The following DDAH1 variants were observed in gnomAD, a reference collection of about 807,000 sequenced individuals.
DDAH1 encodes dimethylarginine dimethylaminohydrolase 1, also known as N(G),N(G)-dimethylarginine dimethylaminohydrolase 1.
In DDAH1, 19 loss-of-function variants were observed where a neutral mutation model predicts 28.8. That is an observed-to-expected ratio of 0.66 (90% CI 0.46 to 0.97). The LOEUF (loss-of-function observed/expected upper bound fraction) is 0.97, where lower values mean the gene tolerates loss of function less well. Among genes scored for constraint, DDAH1 ranks in the 50% least tolerant of loss-of-function variants. The pLI, the probability that DDAH1 is intolerant of heterozygous loss-of-function variation, is 0.00. For missense variants in DDAH1, 326 were observed against 375.9 expected, an observed-to-expected ratio of 0.87 and a Z score of 1.10; for synonymous variants, 153 against 154.4, an observed-to-expected ratio of 0.99 and a Z score of 0.07.
chr1:85,439,247 TA>T (rs1316817920), intron 1 of DDAH1, among the ~76,000 whole-genome samples: 3 of 152,244 alleles, frequency 2.0e-5, no homozygotes, highest in Non-Finnish European at 4.4e-5. Flanking sequence ...ATTCGCCAAC[TA>T]ATCAGGAATT....
rs1661204735 is a variant in DDAH1 at position 85,318,672 on chromosome 1, C to G, written c.*2780G>C. 2.0e-5 allele frequency: 3 copies of G among 152,592 alleles called. No homozygotes were observed. Among genetic ancestry groups the G allele is most frequent in the African/African-American group, 2.4e-5 (1 of 41,426 alleles). The allele number at this position is 152,592 out of a possible 1,614,324, so 9.5% of individuals were successfully genotyped here. On this transcript the variant is annotated 3_prime_UTR_variant, in exon 6 of 6. Transcript: ENST00000284031. ...GAGGTGGTCAGGAAAATAAAATGCACAAATCTAACACCATGTTGAAATCAT... is the reference window on the plus strand; with the variant it reads ...GAGGTGGTCAGGAAAATAAAATGCAGAAATCTAACACCATGTTGAAATCAT...
intron 1 of DDAH1, among the ~76,000 whole-genome samples, chr1:85,514,767 C>T (rs1440235446): frequency 6.6e-6 from 1 of 151,978 alleles, no homozygotes; most frequent in African/African-American, 2.4e-5. Context: ...TTCACACTAG[C>T]CCCTGTGTCC....
At chr1:85,386,162 C>A (rs1651245166) in intron 1 of DDAH1, among the ~76,000 whole-genome samples, 1 of 152,198 alleles carries the variant, frequency 6.6e-6, no homozygotes, top group Admixed American at 6.5e-5. Flanking sequence ...ATGTCCTTTT[C>A]ATATTGCAAA....
chr1:85,402,834 G>C (rs1180106656), intron 1 of DDAH1, among the ~76,000 whole-genome samples: 1 of 151,360 alleles, frequency 6.6e-6, no homozygotes, highest in South Asian at 2.1e-4. Context: ...GCGTGAACCC[G>C]GGAGGCAGAG....
intron 1 of DDAH1, among the ~76,000 whole-genome samples, chr1:85,411,210 T>C (rs1249922222): frequency 6.6e-6 from 1 of 152,164 alleles, no homozygotes; most frequent in Non-Finnish European, 1.5e-5. Context: ...CCAATAACAG[T>C]TGACAGTGAG....
At chr1:85,463,134 G>A (rs180926970) in intron 1 of DDAH1, among the ~76,000 whole-genome samples, 182 of 152,316 alleles carry the variant, frequency 1.2e-3, no homozygotes, top group South Asian at 1.5e-3. Context: ...ACTACACCAT[G>A]TGACTTCTGG....
chr1:85,383,221 GGGA>G (rs1283156585), intron 1 of DDAH1, among the ~76,000 whole-genome samples: 1 of 152,212 alleles, frequency 6.6e-6, no homozygotes, highest in African/African-American at 2.4e-5. Context: ...TGTGATTCAT[GGGA>G]GGAGGTCAAA....
chr1:85,441,782 T>A (rs1654209280), intron 1 of DDAH1, among the ~76,000 whole-genome samples: 1 of 152,182 alleles, frequency 6.6e-6, no homozygotes, highest in Non-Finnish European at 1.5e-5. Flanking sequence ...ACCTTTCAAC[T>A]TTATGTTTGC....
At chr1:85,525,078 T>C (rs1657817129) in intron 1 of DDAH1, among the ~76,000 whole-genome samples, 1 of 149,504 alleles carries the variant, frequency 6.7e-6, no homozygotes, top group Admixed American at 6.7e-5. Context: ...GAAAATATAG[T>C]AGGTATGAAA....
intron 1 of DDAH1, among the ~76,000 whole-genome samples, chr1:85,523,927 G>A (rs542156341): frequency 6.6e-6 from 1 of 152,036 alleles, no homozygotes; most frequent in South Asian, 2.1e-4. Context: ...AAAAGAGTTA[G>A]CAATCGAATT....
chr1:85,556,871 C>G (rs563173328), intron 1 of DDAH1, among the ~76,000 whole-genome samples: 15 of 152,302 alleles, frequency 9.8e-5, no homozygotes, highest in Admixed American at 7.8e-4. Context: ...AATCCAAGCA[C>G]TTTGGGAGGC....
intron 1 of DDAH1, among the ~76,000 whole-genome samples, chr1:85,556,977 C>A (rs144518845): frequency 6.6e-6 from 1 of 152,000 alleles, no homozygotes; most frequent in Non-Finnish European, 1.5e-5. Flanking sequence ...ATTAGCCAGG[C>A]GTAGTGGTGG....
intron 1 of DDAH1, among the ~76,000 whole-genome samples, chr1:85,554,603 CT>C (rs1250604550): frequency 6.6e-6 from 1 of 152,186 alleles, no homozygotes; most frequent in Non-Finnish European, 1.5e-5. Flanking sequence ...GATTTATTAA[CT>C]GCACTGCAAC....
chr1:85,324,390 T>C (rs548499538), intron 5 of DDAH1, among the ~76,000 whole-genome samples: 2 of 152,152 alleles, frequency 1.3e-5, no homozygotes, highest in Admixed American at 6.5e-5. Context: ...CCGTTGACCA[T>C]CTAATTGTAG....
intron 1 of DDAH1, among the ~76,000 whole-genome samples, chr1:85,424,783 A>G (rs1305440988): frequency 1.3e-5 from 2 of 152,032 alleles, no homozygotes; most frequent in Non-Finnish European, 2.9e-5. Flanking sequence ...ATTCTCTCCA[A>G]TGAGTATATA....
intron 1 of DDAH1, among the ~76,000 whole-genome samples, chr1:85,511,108 C>T (rs1003766159): frequency 4.6e-5 from 7 of 152,200 alleles, no homozygotes; most frequent in Non-Finnish European, 7.3e-5. Context: ...AAGTAAAGTG[C>T]TCCTCAGCAA....
intron 1 of DDAH1, among the ~76,000 whole-genome samples, chr1:85,361,354 T>C (rs779451926): frequency 1.3e-5 from 2 of 152,116 alleles, no homozygotes; most frequent in Non-Finnish European, 2.9e-5. Flanking sequence ...ATGGCCATGG[T>C]TAATGTTGAC....
Position 85,320,198 on chromosome 1 carries a change from T to C in DDAH1, c.*1254A>G, listed in dbSNP as rs928251141. On this transcript the variant is annotated 3_prime_UTR_variant, in exon 6 of 6. Transcript: ENST00000284031. ...CGCATTGTTCTTTGTAAGAGATCCG[T>C]GTCAGTTCAAAGTTGTGTAATTTAA... 7 of 152,606 alleles carry C rather than the reference T, an allele frequency of 4.6e-5. No individual in the cohort carries two copies. The highest frequency in any genetic ancestry group is 8.8e-5 in the Non-Finnish European group (6 of 68,030). The allele number at this position is 152,606 out of a possible 1,614,324, so 9.5% of individuals were successfully genotyped here.
At chr1:85,413,287 C>T (rs559619624) in intron 1 of DDAH1, among the ~76,000 whole-genome samples, 16 of 152,284 alleles carry the variant, frequency 1.1e-4, no homozygotes, top group African/African-American at 3.4e-4. Context: ...TGCCTTAGCA[C>T]GTATTTTTTG....
Sources: gnomAD v4.1 joint callset for allele counts (sites outside exome capture counted in the v4.1 genomes callset) on GRCh38, gnomAD v4.1.1 for gene constraint, MANE v1.5 for transcripts, NCBI Gene and HGNC (gene_info 2026-07-23, HGNC 2026-07-21) for gene names.